Variants in HDAC4 observed in about 807,000 individuals in gnomAD.
HDAC4 encodes the protein histone deacetylase 4.
A neutral mutation model predicts 135.1 loss-of-function variants in HDAC4; 16 were observed. The observed-to-expected ratio is 0.12, with a 90% CI of 0.08 to 0.18. The LOEUF is 0.18. HDAC4 is among the 10% of genes least tolerant of loss of function. The pLI is 1.00. For synonymous variants in HDAC4, 685 were observed against 653.4 expected (o/e 1.05, Z -0.74); for missense variants, 1,143 against 1,511.8 (o/e 0.76, Z 4.05).
In HDAC4 at chr2:239,134,313, G is replaced by T; in HGVS notation, c.1226C>A (p.Ala409Glu). ...CATGTGCTGCAGAAGAGGGCTGTGCGCTGCCCCTCCGTCCCGCTCCAAGGG... is the reference window on the plus strand; with the variant it reads ...CATGTGCTGCAGAAGAGGGCTGTGCTCTGCCCCTCCGTCCCGCTCCAAGGG... ...TSPLERDGGA[A>E]HSPLLQHMVL... The change falls in exon 11 of 27, where the codon GCG becomes GAG. Residue 409 changes from alanine (A) to glutamate (E), a missense_variant. Physicochemically the swap from Ala to Glu is moderately radical, Grantham distance 107. This residue lies in a region of HDAC4 where 272 missense variants were observed against 309.7 expected (regional missense o/e 0.88). Coordinates refer to ENST00000543185, the MANE Select transcript of HDAC4 (RefSeq NM_001378414.1). The T allele has an allele frequency of 6.2e-7, 1 of 1,613,722 alleles. No individual in the cohort carries two copies. Among genetic ancestry groups the T allele is most frequent in the South Asian group, 1.1e-5 (1 of 91,076 alleles).
At chr2:239,101,775 G>C (rs936512685) in intron 16 of HDAC4, among the ~76,000 whole-genome samples, 1 of 152,076 alleles carries the variant, frequency 6.6e-6, no homozygotes, top group Non-Finnish European at 1.5e-5. Context: ...CCTGGCCCTC[G>C]GTCTGGGTTC....
intron 1 of HDAC4, among the ~76,000 whole-genome samples, chr2:239,367,253 A>T (rs1455493665): frequency 1.3e-5 from 2 of 152,162 alleles, no homozygotes; most frequent in African/African-American, 4.8e-5. Context: ...CATGGACTGA[A>T]CGAGAGCCGG....
chr2:239,338,177 C>G (rs995819089), intron 2 of HDAC4, among the ~76,000 whole-genome samples: 1 of 152,198 alleles, frequency 6.6e-6, no homozygotes, highest in African/African-American at 2.4e-5. Context: ...ACCAGCTGGA[C>G]GTGTTTTATC....
intron 15 of HDAC4, among the ~76,000 whole-genome samples, chr2:239,105,040 T>C (rs1423785550): frequency 6.6e-6 from 1 of 152,210 alleles, no homozygotes; most frequent in Non-Finnish European, 1.5e-5. Flanking sequence ...GCGTGCAATA[T>C]TGTGACGGCT....
At chr2:239,199,947 C>T (rs1222589859) in intron 3 of HDAC4, among the ~76,000 whole-genome samples, 5 of 152,062 alleles carry the variant, frequency 3.3e-5, no homozygotes, top group Admixed American at 2.6e-4. Flanking sequence ...ACCGTGTTGG[C>T]CAGGATGGTC....
Position 239,221,354 on chromosome 2 carries a change from G to GA in HDAC4, c.94+15238dup, listed in dbSNP as rs111876741. Among the ~76,000 whole-genome samples, 205 of 150,662 alleles carry GA rather than the reference G, an allele frequency of 1.4e-3. 1 individual carries two copies. The highest frequency in any genetic ancestry group is 4.4e-3 in the African/African-American group (180 of 41,068). On this transcript the variant is annotated intron_variant, in intron 3 of 26. Transcript: ENST00000543185. ...TGGGAGCATTCTGGGAAACCCTCTG[G>GA]AAAAAAAAATCACAGCTCCAACCAA...
chr2:239,224,768 GA>G (rs2047149735), intron 3 of HDAC4, among the ~76,000 whole-genome samples: 1 of 152,206 alleles, frequency 6.6e-6, no homozygotes, highest in African/African-American at 2.4e-5. Flanking sequence ...GTGAATGAAT[GA>G]ATGAGTTGAA....
intron 3 of HDAC4, among the ~76,000 whole-genome samples, chr2:239,216,420 G>A (rs1410967997): frequency 1.3e-5 from 2 of 152,206 alleles, no homozygotes; most frequent in African/African-American, 4.8e-5. Flanking sequence ...GGAAGACGAT[G>A]AGGAGGGCGC....
In HDAC4 at chr2:239,240,998, G is replaced by C. The variant is rs1195221959; in HGVS notation, c.23-4334C>G. 4.6e-5 allele frequency among the ~76,000 whole-genome samples: 7 copies of C among 152,194 alleles called. No homozygotes were observed. Among genetic ancestry groups the C allele is most frequent in the Non-Finnish European group, 1.0e-4 (7 of 68,024 alleles). On this transcript the variant is annotated intron_variant, in intron 2 of 26. Transcript: ENST00000543185. This position sits in a 1 kb window ranked among gnomAD's most constrained non-coding sequence, Gnocchi z 4.5. ...ACCTCACTTTCACCCGGAGGGCCCA[G>C]GCCCCCCACTTCACACTTGGGGAAA...
At position 239,349,934 on chromosome 2, in the gene HDAC4, G is replaced by A. The variant is rs571011540; in HGVS notation, c.22+2744C>T. Among the ~76,000 whole-genome samples, 8 of 152,220 alleles carry A rather than the reference G, an allele frequency of 5.3e-5. No individual in the cohort carries two copies. The highest frequency in any genetic ancestry group is 3.9e-4 in the East Asian group (2 of 5,192). Reference sequence around the variant, plus strand: ...CACTGAGAGAGAGAATGGAGAGGTCGTGGGTGGCAATAAGGCGCACACAAC... The same window carrying A: ...CACTGAGAGAGAGAATGGAGAGGTCATGGGTGGCAATAAGGCGCACACAAC... On this transcript the variant is annotated intron_variant, in intron 2 of 26. Transcript: ENST00000543185. This position sits in a 1 kb window ranked among gnomAD's most constrained non-coding sequence, Gnocchi z 5.7.
chr2:239,085,600 G>A (rs2035854691), intron 19 of HDAC4, among the ~76,000 whole-genome samples: 2 of 152,256 alleles, frequency 1.3e-5, no homozygotes, highest in Admixed American at 1.3e-4. Context: ...AAACAAACAG[G>A]AAGCCTGGTG....
intron 19 of HDAC4, among the ~76,000 whole-genome samples, chr2:239,085,041 G>GACAGACACACAC (rs1553609590): frequency 4.5e-4 from 63 of 138,888 alleles, no homozygotes; most frequent in African/African-American, 1.5e-3. Context: ...GAGACAGACA[G>GACAGACACACAC]ACACACACAC....
At chr2:239,345,779 TCAAA>T (rs577378954) in intron 2 of HDAC4, among the ~76,000 whole-genome samples, 2 of 110,460 alleles carry the variant, frequency 1.8e-5, no homozygotes, top group African/African-American at 7.1e-5. Flanking sequence ...ACACATGCAC[TCAAA>T]CACACATACA....
In HDAC4 at chr2:239,124,069, T is replaced by G. The variant is rs574723593; in HGVS notation, c.1533+2387A>C. On this transcript the variant is annotated intron_variant, in intron 12 of 26. Coordinates refer to ENST00000543185, the MANE Select transcript of HDAC4 (RefSeq NM_001378414.1). ...CAATAAACGGAGAAATGATTCCGTCTGTCGCCAAATCTGCCAAAGGTTTCT... is the reference window on the plus strand; with the variant it reads ...CAATAAACGGAGAAATGATTCCGTCGGTCGCCAAATCTGCCAAAGGTTTCT... Among the ~76,000 whole-genome samples the G allele has an allele frequency of 8.5e-4, 130 of 152,304 alleles. 3 individuals are homozygous for G. In the South Asian group the frequency reaches 0.026, roughly 31 times the overall value.
At chr2:239,257,829 G>A (rs1301260104) in intron 2 of HDAC4, among the ~76,000 whole-genome samples, 1 of 151,952 alleles carries the variant, frequency 6.6e-6, no homozygotes, top group Non-Finnish European at 1.5e-5. Flanking sequence ...ATCAGGCAGA[G>A]GAAAAGACAA....
chr2:239,189,350 A>G (rs2153041188), intron 4 of HDAC4, among the ~76,000 whole-genome samples: 1 of 152,336 alleles, frequency 6.6e-6, no homozygotes, highest in East Asian at 1.9e-4. Context: ...TAAGTACCAA[A>G]AAAAGTCTTT....
intron 3 of HDAC4, among the ~76,000 whole-genome samples, chr2:239,208,976 G>A (rs1330748061): frequency 1.1e-4 from 16 of 152,158 alleles, no homozygotes; most frequent in Non-Finnish European, 1.5e-5. Flanking sequence ...TCCACCTCCT[G>A]GGCGATCCTC....
chr2:239,105,856 G>T (rs529829027), intron 15 of HDAC4, among the ~76,000 whole-genome samples: 1 of 152,158 alleles, frequency 6.6e-6, no homozygotes, highest in Non-Finnish European at 1.5e-5. Context: ...CCCCTGGCAG[G>T]CTGGCACTGG....
rs75133453 is a variant in HDAC4 at position 239,182,944 on chromosome 2, T to A, written c.340-6381A>T. ...CGTCACTGGAATACCAAATTCAGGC[T>A]TCGAAAAACAGGACTTTGAGATGCG... On this transcript the variant is annotated intron_variant, in intron 4 of 26. Transcript: ENST00000543185. Among the ~76,000 whole-genome samples, 271 of 152,280 alleles carry A rather than the reference T, an allele frequency of 1.8e-3. 1 individual carries two copies. The highest frequency in any genetic ancestry group is 6.2e-3 in the African/African-American group (258 of 41,554).
Sources: allele counts gnomAD v4.1 joint callset (sites outside exome capture counted in the v4.1 genomes callset), GRCh38; gene constraint gnomAD v4.1.1; regional missense constraint gnomAD v4.1.1; non-coding constraint Gnocchi (gnomAD v3.1); transcripts MANE v1.5; gene names NCBI Gene and HGNC (gene_info 2026-07-23, HGNC 2026-07-21).